Variants in ROBO2 observed in about 807,000 individuals in gnomAD.
ROBO2 encodes roundabout guidance receptor 2, also known as roundabout homolog 2.
In ROBO2, 53 loss-of-function variants were observed where a neutral mutation model predicts 160.8. The ratio of observed to expected loss-of-function variants is 0.33; its 90% CI spans 0.26 to 0.41. The LOEUF (loss-of-function observed/expected upper bound fraction) is 0.41. Ranked by LOEUF, ROBO2 falls within the 10% of genes least tolerant of loss-of-function variation. The pLI, the probability that ROBO2 is intolerant of heterozygous loss-of-function variation, is 1.00. For missense variants in ROBO2, 1,577 were observed against 1,722.4 expected (o/e 0.92, Z 1.49); for synonymous variants, 664 against 611.7 (o/e 1.09, Z -1.26).
intron 2 of ROBO2, among the ~76,000 whole-genome samples, chr3:77,034,048 T>C (rs1014968135): frequency 5.3e-5 from 8 of 151,278 alleles, no homozygotes; most frequent in African/African-American, 9.7e-5. Context: ...TAGTATATAA[T>C]GAAAAAGCCA....
At chr3:77,596,948 G>A (rs188005508) in intron 19 of ROBO2, among the ~76,000 whole-genome samples, 198 bp downstream of exon 20, 1 of 152,010 alleles carries the variant, frequency 6.6e-6, no homozygotes, top group East Asian at 1.9e-4. Flanking sequence ...ATTACCTTGA[G>A]TAAAACCAAA....
chr3:76,237,447 A>G (rs1188677174), intron 2 of ROBO2, among the ~76,000 whole-genome samples: 3 of 152,212 alleles, frequency 2.0e-5, no homozygotes, highest in South Asian at 2.1e-4. Context: ...CTTTGAAGAT[A>G]TATCTCAATA....
chr3:77,059,014 C>G (rs562439988), intron 1 of ROBO2, among the ~76,000 whole-genome samples: 2 of 152,204 alleles, frequency 1.3e-5, no homozygotes, highest in South Asian at 4.1e-4. Context: ...GTGAGAAAGA[C>G]AAATAATCGT....
chr3:76,303,620 G>A (rs995609659), intron 2 of ROBO2, among the ~76,000 whole-genome samples: 1 of 151,984 alleles, frequency 6.6e-6, no homozygotes, highest in African/African-American at 2.4e-5. Flanking sequence ...AAAAAAAAGA[G>A]GGAGCAAAAT....
chr3:76,555,352 G>GAAGAAGAA lies in ROBO2; in HGVS notation c.110-542662_110-542661insAAGAAGAA, dbSNP rs1560140349. 3.3e-4 allele frequency among the ~76,000 whole-genome samples: 12 copies of GAAGAAGAA among 35,832 alleles called. 1 individual carries two copies. The highest frequency in any genetic ancestry group is 1.3e-3 in the Admixed American group (3 of 2,302). The allele number at this position is 35,832 out of a possible 152,430, so 23.5% of individuals were successfully genotyped here. A position where few individuals can be genotyped will look rare whatever the true frequency, so the allele number is the denominator to read the frequency against. On this transcript the variant is annotated intron_variant, in intron 2 of 26. Coordinates refer to the ROBO2 transcript ENST00000487694. Reference sequence around the variant, plus strand: ...AAGAAGAGGAAGAGGAGGAAGAGTAGGAAGAGAGAAGAAGAAGAAGAAGAA... The same window carrying GAAGAAGAA: ...AAGAAGAGGAAGAGGAGGAAGAGTAGAAGAAGAAGAAGAGAGAAGAAGAAGAAGAAGAA...
chr3:75,979,560 C>T (rs2065222817), intron 2 of ROBO2, among the ~76,000 whole-genome samples: 1 of 151,414 alleles, frequency 6.6e-6, no homozygotes, highest in African/African-American at 2.4e-5. Flanking sequence ...AAATTCTCTT[C>T]TGGCACATAA....
intron 2 of ROBO2, among the ~76,000 whole-genome samples, chr3:77,469,472 G>A (rs1420143734): frequency 6.6e-6 from 1 of 152,152 alleles, no homozygotes; most frequent in Non-Finnish European, 1.5e-5. Context: ...ACTGGTGGTG[G>A]TGGTGGTGGC....
At chr3:76,021,968 T>C (rs1559841013) in intron 2 of ROBO2, among the ~76,000 whole-genome samples, 1 of 151,532 alleles carries the variant, frequency 6.6e-6, no homozygotes, top group Non-Finnish European at 1.5e-5. Flanking sequence ...TTCCCCACAG[T>C]AGAACTTCTT....
chr3:77,457,961 T>C (rs950708719), intron 2 of ROBO2, among the ~76,000 whole-genome samples: 1 of 152,180 alleles, frequency 6.6e-6, no homozygotes, highest in African/African-American at 2.4e-5. Flanking sequence ...TAAGAGACTA[T>C]ATATAACTTT....
intron 2 of ROBO2, among the ~76,000 whole-genome samples, chr3:76,901,219 A>G (rs1051913678): frequency 1.3e-5 from 2 of 151,658 alleles, no homozygotes; most frequent in Non-Finnish European, 2.9e-5. Context: ...TATTTTATCT[A>G]TAGAATATAC....
At chr3:77,235,820 A>G (rs1373392723) in intron 2 of ROBO2, among the ~76,000 whole-genome samples, 2 of 152,216 alleles carry the variant, frequency 1.3e-5, no homozygotes, top group Non-Finnish European at 2.9e-5. Context: ...GAAGGTATAG[A>G]GATTTCCCAT....
intron 2 of ROBO2, among the ~76,000 whole-genome samples, chr3:75,963,067 C>A (rs1315618236): frequency 6.6e-6 from 1 of 151,738 alleles, no homozygotes; most frequent in Non-Finnish European, 1.5e-5. Flanking sequence ...TTAAAAATGG[C>A]AGGTTGATGT....
At chr3:77,408,169 T>C (rs1414266277) in intron 2 of ROBO2, among the ~76,000 whole-genome samples, 1 of 152,130 alleles carries the variant, frequency 6.6e-6, no homozygotes. Context: ...AGGAACATTC[T>C]AACTTTTAGA....
At chr3:76,441,241 G>A (rs1176283971) in intron 2 of ROBO2, among the ~76,000 whole-genome samples, 1 of 152,122 alleles carries the variant, frequency 6.6e-6, no homozygotes, top group Non-Finnish European at 1.5e-5. Context: ...AAAAGTTATC[G>A]AAGAGTTTCT....
intron 2 of ROBO2, among the ~76,000 whole-genome samples, chr3:76,148,134 GT>G (rs1403114562): frequency 6.6e-6 from 1 of 151,808 alleles, no homozygotes; most frequent in East Asian, 1.9e-4. Context: ...ATTTTATAAA[GT>G]TGTTAGGAAT....
intron 2 of ROBO2, among the ~76,000 whole-genome samples, chr3:76,636,121 T>A (rs1578753159): frequency 6.6e-6 from 1 of 152,208 alleles, no homozygotes; most frequent in Non-Finnish European, 1.5e-5. Context: ...TTATACATAA[T>A]ATTATGTATT....
At chr3:76,619,870 G>A (rs1560246770) in intron 2 of ROBO2, among the ~76,000 whole-genome samples, 1 of 151,978 alleles carries the variant, frequency 6.6e-6, no homozygotes, top group Non-Finnish European at 1.5e-5. Flanking sequence ...TTCCTGATTT[G>A]GAAGAAAGTC....
At chr3:77,192,673 AG>A (rs2081966847) in intron 2 of ROBO2, among the ~76,000 whole-genome samples, 1 of 36,744 alleles carries the variant, frequency 2.7e-5, no homozygotes. Flanking sequence ...TTTTTTTTTG[AG>A]ACAGAGTCTC....
At chr3:76,609,471 C>T (rs1050229567) in intron 2 of ROBO2, among the ~76,000 whole-genome samples, 3 of 151,226 alleles carry the variant, frequency 2.0e-5, no homozygotes, top group Non-Finnish European at 4.4e-5. Flanking sequence ...ATTTAATTTT[C>T]TTTGCCATTA....
Sources: gnomAD v4.1 joint callset for allele counts (sites outside exome capture counted in the v4.1 genomes callset) on GRCh38, gnomAD v4.1.1 for gene constraint, MANE v1.5 for transcripts, NCBI Gene and HGNC (gene_info 2026-07-23, HGNC 2026-07-21) for gene names.